The following PPFIA2 variants were observed in gnomAD, a reference collection of about 807,000 sequenced individuals.
PPFIA2 encodes the protein liprin-alpha-2.
A neutral mutation model predicts 175.5 loss-of-function variants in PPFIA2; 46 were observed. That is an observed-to-expected ratio of 0.26 (90% CI 0.21 to 0.34). PPFIA2 has a LOEUF of 0.34. PPFIA2 is among the 10% of genes least tolerant of loss of function. The pLI, the probability that PPFIA2 is intolerant of heterozygous loss-of-function variation, is 1.00. For missense variants in PPFIA2, 1,179 were observed against 1,506.1 expected, an observed-to-expected ratio of 0.78 and a Z score of 3.60; for synonymous variants, 568 against 511.4, an observed-to-expected ratio of 1.11 and a Z score of -1.49.
chr12:81,719,461 A>T (rs2079053429), intron 3 of PPFIA2, among the ~76,000 whole-genome samples: 1 of 151,454 alleles, frequency 6.6e-6, no homozygotes, highest in South Asian at 2.1e-4. Flanking sequence ...CTCTGGGGTG[A>T]TGATTACCCC....
At chr12:81,426,562 T>C (rs1268600672) in intron 7 of PPFIA2, among the ~76,000 whole-genome samples, 1 of 152,220 alleles carries the variant, frequency 6.6e-6, no homozygotes, top group Non-Finnish European at 1.5e-5. Context: ...CTGATCAAGT[T>C]ATATTTGTTT....
intron 3 of PPFIA2, among the ~76,000 whole-genome samples, chr12:81,725,194 T>G (rs2079900536): frequency 1.3e-5 from 2 of 150,966 alleles, no homozygotes; most frequent in South Asian, 2.1e-4. Flanking sequence ...TTAGAAAAAC[T>G]TACATAATAA....
intron 17 of PPFIA2, among the ~76,000 whole-genome samples, chr12:81,351,693 T>G (rs2060028345): frequency 1.4e-5 from 2 of 147,650 alleles, no homozygotes; most frequent in Non-Finnish European, 3.0e-5. Flanking sequence ...AGCCCAGGAG[T>G]TCAAGACCAC....
intron 4 of PPFIA2, among the ~76,000 whole-genome samples, chr12:81,657,549 C>T (rs775466278): frequency 2.8e-4 from 42 of 152,018 alleles, no homozygotes; most frequent in Non-Finnish European, 7.4e-5. Context: ...ATTGAACAGG[C>T]TATTAGGCTA....
intron 3 of PPFIA2, among the ~76,000 whole-genome samples, chr12:81,699,816 A>G (rs1596512375): frequency 6.6e-6 from 1 of 152,198 alleles, no homozygotes; most frequent in Admixed American, 6.5e-5. Flanking sequence ...TAGAACTAAA[A>G]GAGTAATACA....
chr12:81,645,919 T>C (rs2065994533), intron 4 of PPFIA2, among the ~76,000 whole-genome samples: 1 of 152,200 alleles, frequency 6.6e-6, no homozygotes, highest in African/African-American at 2.4e-5. Flanking sequence ...CAAGACAATC[T>C]GCTGCTAGAG....
At chr12:81,521,485 A>T (rs1361943565) in intron 4 of PPFIA2, among the ~76,000 whole-genome samples, 1 of 152,158 alleles carries the variant, frequency 6.6e-6, no homozygotes, top group African/African-American at 2.4e-5. Context: ...ACATTTTCTT[A>T]TTTGAGAACA....
At chr12:81,662,014 A>G (rs2068981161) in intron 4 of PPFIA2, among the ~76,000 whole-genome samples, 2 of 152,242 alleles carry the variant, frequency 1.3e-5, no homozygotes, top group Non-Finnish European at 2.9e-5. Context: ...GAACAAAGAC[A>G]CAACATACCA....
rs139291926 is a variant in PPFIA2 at position 81,333,307 on chromosome 12, A to G, written c.2548+5873T>C. ...ATCCTTACTTACAATGAAAAGGACA[A>G]TAGCTCTTATACAGAACAACTCTTC... On this transcript the variant is annotated intron_variant, in intron 21 of 32. Coordinates refer to ENST00000549396, the MANE Select transcript of PPFIA2 (RefSeq NM_003625.5). Among the ~76,000 whole-genome samples, 353 of 152,328 alleles carry G rather than the reference A, an allele frequency of 2.3e-3. 3 individuals are homozygous for G. The highest frequency in any genetic ancestry group is 8.0e-3 in the African/African-American group (333 of 41,588).
chr12:81,301,414 A>T (rs773740532), intron 22 of PPFIA2, among the ~76,000 whole-genome samples: 2 of 152,184 alleles, frequency 1.3e-5, no homozygotes, highest in Non-Finnish European at 2.9e-5. Context: ...CCTAAGGAGC[A>T]CGTAACATTT....
Position 81,382,393 on chromosome 12 carries a change from A to T in PPFIA2, c.984+1630T>A, listed in dbSNP as rs531014007. 2.0e-5 allele frequency among the ~76,000 whole-genome samples: 3 copies of T among 152,286 alleles called. No homozygotes were observed. In the East Asian group the frequency reaches 5.8e-4, roughly 29 times the overall value. ...GAAAAGTTTTAAGCAGAAAAGTGAC[A>T]TGAACTGACTTATAGGCAGGCTGCT... On this transcript the variant is annotated intron_variant, in intron 9 of 32. Coordinates refer to ENST00000549396, the MANE Select transcript of PPFIA2 (RefSeq NM_003625.5).
chr12:81,625,866 TTATAG>T (rs1426847663), intron 4 of PPFIA2, among the ~76,000 whole-genome samples: 1 of 147,910 alleles, frequency 6.8e-6, no homozygotes, highest in Non-Finnish European at 1.5e-5. Context: ...ATATAGTATA[TTATAG>T]TATATTATTT....
chr12:81,571,835 A>G (rs1256368707), intron 4 of PPFIA2, among the ~76,000 whole-genome samples: 5 of 152,134 alleles, frequency 3.3e-5, no homozygotes, highest in Admixed American at 6.6e-5. Flanking sequence ...ACAAGCAACA[A>G]TTTTTGTCGA....
At chr12:81,399,377 G>A (rs1415321161) in intron 8 of PPFIA2, among the ~76,000 whole-genome samples, 1 of 150,714 alleles carries the variant, frequency 6.6e-6, no homozygotes, top group Non-Finnish European at 1.5e-5. Flanking sequence ...AGACAGCAGA[G>A]TGGATTTCAC....
intron 4 of PPFIA2, among the ~76,000 whole-genome samples, chr12:81,669,241 C>T (rs2070954673): frequency 6.6e-6 from 1 of 151,864 alleles, no homozygotes; most frequent in Non-Finnish European, 1.5e-5. Flanking sequence ...ATTTTTACTA[C>T]CACTACTATA....
At chr12:81,413,892 T>C (rs1032682888) in intron 7 of PPFIA2, among the ~76,000 whole-genome samples, 8 of 151,794 alleles carry the variant, frequency 5.3e-5, no homozygotes, top group Non-Finnish European at 8.9e-5. Flanking sequence ...AATATTAATA[T>C]ACATGAAGAA....
At chr12:81,456,005 G>A (rs2053515722) in intron 5 of PPFIA2, among the ~76,000 whole-genome samples, 2 of 152,250 alleles carry the variant, frequency 1.3e-5, no homozygotes, top group South Asian at 4.1e-4. Flanking sequence ...AGAGTGTCTG[G>A]TGCATTTTAA....
chr12:81,412,708 A>T (rs2044212980), intron 7 of PPFIA2, among the ~76,000 whole-genome samples: 1 of 151,910 alleles, frequency 6.6e-6, no homozygotes, highest in Non-Finnish European at 1.5e-5. Context: ...ATTTAACCTC[A>T]AGTTCAGGTT....
intron 4 of PPFIA2, among the ~76,000 whole-genome samples, chr12:81,636,591 A>C (rs2064088940): frequency 6.6e-6 from 1 of 150,540 alleles, no homozygotes; most frequent in Non-Finnish European, 1.5e-5. Flanking sequence ...AAAAAAAAAA[A>C]GTAAAGGAAA....
Sources: gnomAD v4.1 joint callset for allele counts (sites outside exome capture counted in the v4.1 genomes callset) on GRCh38, gnomAD v4.1.1 for gene constraint, MANE v1.5 for transcripts, NCBI Gene and HGNC (gene_info 2026-07-23, HGNC 2026-07-21) for gene names.